GALNT13: variants seen among roughly 807,000 people sequenced by gnomAD.
GALNT13 encodes UDP-GalNAc:polypeptide N-acetylgalactosaminyltransferase 13.
In GALNT13, 28 loss-of-function variants were observed where a neutral mutation model predicts 64.2. That is an observed-to-expected ratio of 0.44 (90% confidence interval 0.32 to 0.60). The LOEUF (loss-of-function observed/expected upper bound fraction) is 0.60. GALNT13 is among the 20% of genes least tolerant of loss of function. GALNT13 has a pLI of 0.05. For synonymous variants in GALNT13, 214 were observed against 224.6 expected (o/e 0.95, Z 0.42); for missense variants, 577 against 669.8 (o/e 0.86, Z 1.53).
intron 4 of GALNT13, among the ~76,000 whole-genome samples, chr2:154,180,635 T>A (rs578042225): frequency 1.8e-4 from 27 of 152,310 alleles, no homozygotes; most frequent in African/African-American, 5.5e-4. Flanking sequence ...TAAGCGTAGT[T>A]AAAATGTTGC....
chr2:153,503,521 AC>A, the GALNT13 span, among the ~76,000 whole-genome samples: 1 of 151,940 alleles, frequency 6.6e-6, no homozygotes, highest in South Asian at 2.1e-4. Flanking sequence ...GCTCACTGCA[AC>A]CTCTGCCTCC....
intron 11 of GALNT13, among the ~76,000 whole-genome samples, chr2:154,427,310 CAAATATATA>C (rs1700515199): frequency 1.3e-5 from 2 of 152,142 alleles, no homozygotes; most frequent in African/African-American, 4.8e-5. Flanking sequence ...TGTCCAATTC[CAAATATATA>C]CAGATATGAT....
chr2:153,283,020 G>C, the GALNT13 span, among the ~76,000 whole-genome samples: 1 of 152,300 alleles, frequency 6.6e-6, no homozygotes, highest in Admixed American at 6.5e-5. Flanking sequence ...AGTAACAGCT[G>C]CAGCCAATGC....
chr2:154,136,847 T>C (rs2105567198), intron 3 of GALNT13, among the ~76,000 whole-genome samples: 1 of 152,250 alleles, frequency 6.6e-6, no homozygotes, highest in East Asian at 1.9e-4. Flanking sequence ...GAACATTTCA[T>C]CCATATTCAA....
intron 12 of GALNT13, among the ~76,000 whole-genome samples, chr2:154,446,983 G>GTT (rs5835517): frequency 1.1e-4 from 17 of 150,524 alleles, no homozygotes; most frequent in Non-Finnish European, 1.8e-4. Context: ...GGGTTTTTTT[G>GTT]TTTTTTTTCT....
At chr2:153,916,769 T>C (rs1014660371) in intron 2 of GALNT13, among the ~76,000 whole-genome samples, 4 of 150,474 alleles carry the variant, frequency 2.7e-5, no homozygotes, top group African/African-American at 7.3e-5. Context: ...TATAAATGAC[T>C]AATACAGATT....
the GALNT13 span, among the ~76,000 whole-genome samples, chr2:153,841,385 A>G: frequency 5.3e-5 from 8 of 152,222 alleles, no homozygotes; most frequent in Non-Finnish European, 7.3e-5. Context: ...CACTGAGGAA[A>G]TTATTCAAAA....
chr2:153,789,280 C>A, the GALNT13 span, among the ~76,000 whole-genome samples: 29 of 151,962 alleles, frequency 1.9e-4, no homozygotes, highest in Non-Finnish European at 4.0e-4. Context: ...AAAATAAAAT[C>A]AAGACTAAAA....
At chr2:154,116,510 A>G (rs891042901) in intron 3 of GALNT13, among the ~76,000 whole-genome samples, 1 of 152,196 alleles carries the variant, frequency 6.6e-6, no homozygotes, top group Non-Finnish European at 1.5e-5. Context: ...CCCTGAGTTC[A>G]TAATTTTCTT....
intron 4 of GALNT13, among the ~76,000 whole-genome samples, chr2:154,200,388 A>G (rs1234142473): frequency 6.6e-6 from 1 of 152,160 alleles, no homozygotes; most frequent in African/African-American, 2.4e-5. Context: ...GAGGAATAGA[A>G]GAAATGCCAC....
At chr2:154,145,096 C>CTATATATA (rs1306928627) in intron 4 of GALNT13, among the ~76,000 whole-genome samples, 79 of 124,052 alleles carry the variant, frequency 6.4e-4, no homozygotes, top group African/African-American at 1.3e-3. Flanking sequence ...ATCTATCTAT[C>CTATATATA]TATCTATATA....
chr2:153,750,839 A>G, the GALNT13 span, among the ~76,000 whole-genome samples: 2 of 149,660 alleles, frequency 1.3e-5, no homozygotes, highest in Admixed American at 1.3e-4. Context: ...TTTATTATTT[A>G]TTTTCTTCTA....
the GALNT13 span, among the ~76,000 whole-genome samples, chr2:153,615,020 A>C: frequency 6.6e-6 from 1 of 151,978 alleles, no homozygotes; most frequent in African/African-American, 2.4e-5. Flanking sequence ...CCTCCGCAAC[A>C]CCTTTTCACC....
chr2:153,233,943 A>G, the GALNT13 span, among the ~76,000 whole-genome samples: 1 of 152,204 alleles, frequency 6.6e-6, no homozygotes, highest in Non-Finnish European at 1.5e-5. Flanking sequence ...TATTTAATGT[A>G]TACATTTAGT....
At chr2:153,274,326 G>T in the GALNT13 span, among the ~76,000 whole-genome samples, 1,814 of 152,308 alleles carry the variant, frequency 0.012, 14 homozygotes, top group Middle Eastern at 0.044. Flanking sequence ...ATGTGGTTGT[G>T]GTAGTGAAAA....
chr2:153,508,331 G>A, the GALNT13 span, among the ~76,000 whole-genome samples: 1 of 152,158 alleles, frequency 6.6e-6, no homozygotes, highest in Admixed American at 6.5e-5. Flanking sequence ...ATCACCAGGT[G>A]GGAGCAGGGA....
chr2:154,252,359 TA>T (rs1276671224), intron 7 of GALNT13, among the ~76,000 whole-genome samples: 22 of 127,748 alleles, frequency 1.7e-4, no homozygotes, highest in African/African-American at 4.8e-4. Flanking sequence ...TTATTATTAT[TA>T]TTTTTTTTTT....
the GALNT13 span, among the ~76,000 whole-genome samples, chr2:153,375,688 C>CCCTTT: frequency 6.6e-6 from 1 of 152,144 alleles, no homozygotes; most frequent in African/African-American, 2.4e-5. Context: ...CCTCTGATAA[C>CCCTTT]AGAACATAGA....
At chr2:154,054,853 TAAG>T (rs1699818461) in intron 3 of GALNT13, among the ~76,000 whole-genome samples, 1 of 151,992 alleles carries the variant, frequency 6.6e-6, no homozygotes, top group South Asian at 2.1e-4. Flanking sequence ...CATAATAAAA[TAAG>T]AAATTATGAA....
Sources: allele counts gnomAD v4.1 joint callset (sites outside exome capture counted in the v4.1 genomes callset), GRCh38; gene constraint gnomAD v4.1.1; transcripts MANE v1.5; gene names NCBI Gene and HGNC (gene_info 2026-07-23, HGNC 2026-07-21).